The following ANKRD46 variants were observed in gnomAD, a reference collection of about 807,000 sequenced individuals.
ANKRD46 encodes the protein ankyrin repeat domain-containing protein 46.
Under a neutral mutation model 19.8 loss-of-function variants are expected in ANKRD46, and 13 were observed. The ratio of observed to expected loss-of-function variants is 0.66; its 90% CI spans 0.43 to 1.04. The LOEUF is 1.04. Ranked by LOEUF, ANKRD46 falls within the 50% of genes least tolerant of loss-of-function variation. The probability of loss-of-function intolerance (pLI) is 0.00; values close to 1 mark genes in which losing one functional copy is unlikely to be tolerated. For missense variants in ANKRD46, 185 were observed against 274.8 expected (o/e 0.67, Z 2.31); for synonymous variants, 91 against 106.9 (o/e 0.85, Z 0.92).
At chr8:100,515,690 G>A (rs1811619449) in intron 5 of ANKRD46, among the ~76,000 whole-genome samples, 1 of 151,848 alleles carries the variant, frequency 6.6e-6, no homozygotes, top group Admixed American at 6.6e-5. Context: ...CAGCGTGTGA[G>A]GGAGGGGCAG....
chr8:100,540,905 A>G (rs1812162349), intron 1 of ANKRD46, among the ~76,000 whole-genome samples: 1 of 151,926 alleles, frequency 6.6e-6, no homozygotes, highest in Non-Finnish European at 1.5e-5. Context: ...ATTACATAAT[A>G]AAGTTACTTG....
chr8:100,528,098 T>C (rs568049331), intron 3 of ANKRD46, 95 bp from the exon 4 acceptor site: 5 of 1,294,092 alleles, frequency 3.9e-6, no homozygotes, highest in Non-Finnish European at 4.0e-6. Flanking sequence ...TACCCACTTA[T>C]ATAGATCTCA....
chr8:100,512,895 C>T (rs1304407611), intron 5 of ANKRD46, among the ~76,000 whole-genome samples: 3 of 152,094 alleles, frequency 2.0e-5, no homozygotes, highest in Non-Finnish European at 4.4e-5. Context: ...CTGAGATTGG[C>T]TGGTTCGGGG....
rs139104858 is a variant in ANKRD46 at position 100,534,618 on chromosome 8, G to A, written c.-130-1307C>T. Among the ~76,000 whole-genome samples, 80 of 152,320 alleles carry A rather than the reference G, an allele frequency of 5.3e-4. No individual in the cohort carries two copies. Among genetic ancestry groups the A allele is most frequent in the Admixed American group, 8.5e-4 (13 of 15,298 alleles). On this transcript the variant is annotated intron_variant, in intron 1 of 4. Coordinates refer to ENST00000335659, the MANE Select transcript of ANKRD46 (RefSeq NM_001270377.2). This position sits in a 1 kb window ranked among gnomAD's most constrained non-coding sequence, Gnocchi z 4.2. ...TTCAATGTTAATTAAAATGGTGCAA[G>A]TGGGTTATTCTGGATGTGGTAGAGC...
rs1427016843 is a variant in ANKRD46 at position 100,545,752 on chromosome 8, A to G, written c.-130-12441T>C. ...TCTGGAACTTCCTAGAGCCTTGCTGAATGGTTTTGACCAAAATGCTGATAG... is the reference window on the plus strand; with the variant it reads ...TCTGGAACTTCCTAGAGCCTTGCTGGATGGTTTTGACCAAAATGCTGATAG... On this transcript the variant is annotated intron_variant, in intron 1 of 4. Transcript: ENST00000335659. The surrounding 1 kb of genome is among the most constrained non-coding windows in gnomAD (Gnocchi z 4.7). Among the ~76,000 whole-genome samples, 5 of 152,204 alleles carry G rather than the reference A, an allele frequency of 3.3e-5. No individual in the cohort carries two copies. The highest frequency in any genetic ancestry group is 7.3e-5 in the Non-Finnish European group (5 of 68,030).
At position 100,521,772 on chromosome 8, in the gene ANKRD46, T is replaced by C; in HGVS notation, c.*783A>G. On this transcript the variant is annotated 3_prime_UTR_variant, in exon 5 of 5. Transcript: ENST00000335659. ...TTATTTTTCCCTGCTAACTATTCAGTAGAAAAAGGATTTTCTGACTGTAAT... is the reference window on the plus strand; with the variant it reads ...TTATTTTTCCCTGCTAACTATTCAGCAGAAAAAGGATTTTCTGACTGTAAT... 1 of 985,372 alleles carries C rather than the reference T, an allele frequency of 1.0e-6. No individual in the cohort carries two copies. The highest frequency in any genetic ancestry group is 1.2e-6 in the Non-Finnish European group (1 of 829,840). 61.0% of individuals were successfully genotyped at this position (985,372 alleles called of 1,614,324 possible).
At chr8:100,535,686 A>T (rs2130671206) in intron 1 of ANKRD46, among the ~76,000 whole-genome samples, 1 of 152,258 alleles carries the variant, frequency 6.6e-6, no homozygotes, top group East Asian at 1.9e-4. Context: ...TGGTCTTTTC[A>T]CTCAGTATAA....
At chr8:100,514,589 T>G (rs988635506) in intron 5 of ANKRD46, among the ~76,000 whole-genome samples, 1 of 145,262 alleles carries the variant, frequency 6.9e-6, no homozygotes, top group Non-Finnish European at 1.5e-5. Flanking sequence ...GATAGTTTTA[T>G]CCTGAGTGTG....
chr8:100,530,240 G>A (rs1426067993), intron 2 of ANKRD46, among the ~76,000 whole-genome samples: 3 of 152,090 alleles, frequency 2.0e-5, no homozygotes, highest in Middle Eastern at 3.2e-3. Flanking sequence ...TGCTACTGCT[G>A]GTAGACATTC....
rs1007858240 is a variant in ANKRD46 at position 100,550,848 on chromosome 8, G to C, written c.-131+8863C>G. The stretch of plus-strand genomic sequence containing the variant: ...GGCAGCCCCAGCATCGAAAGTGGAA[G>C]AGTGAGTGTCACTGTTAAAGTCAGA... On this transcript the variant is annotated intron_variant, in intron 1 of 4. Transcript: ENST00000335659. This position sits in a 1 kb window ranked among gnomAD's most constrained non-coding sequence, Gnocchi z 4.4. 2.1e-6 allele frequency: 1 copy of C among 482,368 alleles called. No individual in the cohort carries two copies. Among genetic ancestry groups the C allele is most frequent in the African/African-American group, 2.0e-5 (1 of 50,872 alleles). The allele number at this position is 482,368 out of a possible 1,614,324, so 29.9% of individuals were successfully genotyped here. A position where few individuals can be genotyped will look rare whatever the true frequency, so the allele number is the denominator to read the frequency against.
intron 1 of ANKRD46, among the ~76,000 whole-genome samples, chr8:100,558,227 T>C (rs887229910): frequency 3.3e-5 from 5 of 152,234 alleles, no homozygotes; most frequent in Non-Finnish European, 7.3e-5. Context: ...ATCCTTTGTT[T>C]TCCATAGTAA....
intron 1 of ANKRD46, among the ~76,000 whole-genome samples, chr8:100,549,380 C>T (rs1349645985): frequency 1.7e-4 from 26 of 151,898 alleles, no homozygotes; most frequent in Admixed American, 1.7e-3. Flanking sequence ...CATACATTGC[C>T]ATTCTAATAT....
At position 100,527,925 on chromosome 8, in the gene ANKRD46, A is replaced by G. The variant is rs11555216; in HGVS notation, c.390T>C (p.Ser130=). The change falls in exon 4 of 5, where the codon TCT becomes TCC. Residue 130 remains serine, a synonymous_variant. Coordinates refer to ENST00000335659, the MANE Select transcript of ANKRD46 (RefSeq NM_001270377.2). The surrounding 1 kb of genome is among the most constrained non-coding windows in gnomAD (Gnocchi z 4.0). ...ATCCTTTCACCTCCTGTTCTTCCAA[A>G]GATTCCAGCAATCGGATGACATCTT... ...VNKDVIRLLE[S]LEEQEVKGFN... is the part of the protein sequence containing the mutation. 0.063 allele frequency: 100,937 copies of G among 1,613,512 alleles called. 3,690 individuals carry two copies. Among genetic ancestry groups the G allele is most frequent in the Non-Finnish European group, 0.07 (82,558 of 1,179,810 alleles).
chr8:100,525,468 G>C lies in ANKRD46; in HGVS notation c.470+2377C>G, dbSNP rs537961584. On this transcript the variant is annotated intron_variant, in intron 4 of 4. Transcript: ENST00000335659. This position sits in a 1 kb window ranked among gnomAD's most constrained non-coding sequence, Gnocchi z 4.4. ...ATCTACTTTCTGTCTCTATGGATTT[G>C]CTTATTCTGGACATTTCACATAAAC... 4.1e-4 allele frequency among the ~76,000 whole-genome samples: 62 copies of C among 152,230 alleles called. No individual in the cohort carries two copies. Among genetic ancestry groups the C allele is most frequent in the African/African-American group, 1.5e-3 (61 of 41,544 alleles).
In ANKRD46 at chr8:100,528,008, A is replaced by T. The variant is rs746907675; in HGVS notation, c.312-5T>A. 65 of 1,170,730 alleles carry T rather than the reference A, an allele frequency of 5.6e-5. No individual in the cohort carries two copies. The African/African-American group carries it at 7.7e-4, about 14-fold the overall frequency. The allele number at this position is 1,170,730 out of a possible 1,614,324, so 72.5% of individuals were successfully genotyped here. ...GGGGTAGCACCTTGATGATTGCTAA[A>T]AAAAAAAAAAAAAAAAAAAGTTTAT... On this transcript the variant is annotated splice_region_variant and splice_polypyrimidine_tract_variant and intron_variant, in intron 3 of 4. Transcript: ENST00000335659.
chr8:100,510,707 G>T lies in ANKRD46; in HGVS notation c.637-68C>A. On this transcript the variant is annotated intron_variant, in intron 5 of 5. Transcript: ENST00000520552. This position sits in a 1 kb window ranked among gnomAD's most constrained non-coding sequence, Gnocchi z 4.9. Reference sequence around the variant, plus strand: ...CAGTTCTGTTAAGCTGCAGAGATGTGCCAGGACCAGATACAATCATAAATA... The same window carrying T: ...CAGTTCTGTTAAGCTGCAGAGATGTTCCAGGACCAGATACAATCATAAATA... 7.4e-7 allele frequency: 1 copy of T among 1,351,284 alleles called. No homozygotes were observed. Among genetic ancestry groups the T allele is most frequent in the Non-Finnish European group, 1.0e-6 (1 of 993,210 alleles). The allele number at this position is 1,351,284 out of a possible 1,614,324, so 83.7% of individuals were successfully genotyped here.
intron 1 of ANKRD46, among the ~76,000 whole-genome samples, chr8:100,541,782 C>A (rs1020877028): frequency 6.6e-6 from 1 of 152,168 alleles, no homozygotes; most frequent in Admixed American, 6.6e-5. Context: ...TGGTCAACGA[C>A]GGACTGCATA....
intron 1 of ANKRD46, among the ~76,000 whole-genome samples, chr8:100,541,241 T>C (rs1435004401): frequency 6.6e-6 from 1 of 152,056 alleles, no homozygotes; most frequent in Non-Finnish European, 1.5e-5. Context: ...GCAGACTTTA[T>C]ATAAAGTGCT....
rs1037610382 is a variant in ANKRD46 at position 100,527,312 on chromosome 8, CTT to C, written c.470+531_470+532del. On this transcript the variant is annotated intron_variant, in intron 4 of 4. Coordinates refer to ENST00000335659, the MANE Select transcript of ANKRD46 (RefSeq NM_001270377.2). This position sits in a 1 kb window ranked among gnomAD's most constrained non-coding sequence, Gnocchi z 4.0. ...TTAAATACTATCTTGCTTTCCCTCT[CTT>C]GTTTTCTTGTTTCTCAGCATTCCAC... 6.6e-5 allele frequency among the ~76,000 whole-genome samples: 10 copies of C among 152,312 alleles called. No individual in the cohort carries two copies. Among genetic ancestry groups the C allele is most frequent in the African/African-American group, 2.2e-4 (9 of 41,562 alleles).
Sources: allele counts gnomAD v4.1 joint callset (sites outside exome capture counted in the v4.1 genomes callset), GRCh38; gene constraint gnomAD v4.1.1; non-coding constraint Gnocchi (gnomAD v3.1); transcripts MANE v1.5; gene names NCBI Gene and HGNC (gene_info 2026-07-23, HGNC 2026-07-21).